Variants in CDH17 observed in about 807,000 individuals in gnomAD.
CDH17 encodes the protein cadherin-17.
Under a neutral mutation model 86.3 loss-of-function variants are expected in CDH17, and 67 were observed. The observed-to-expected ratio is 0.78, with a 90% CI of 0.64 to 0.95. The LOEUF is 0.95. Ranked by LOEUF, CDH17 falls within the 40% of genes least tolerant of loss-of-function variation. The pLI, the probability that CDH17 is intolerant of heterozygous loss-of-function variation, is 0.00. For synonymous variants in CDH17, 367 were observed against 366.4 expected (o/e 1.00, Z -0.02); for missense variants, 993 against 1,017.6 (o/e 0.98, Z 0.33).
intron 1 of CDH17, chr8:94,197,374 A>T (rs761839838): frequency 2.0e-5 from 3 of 152,266 alleles, no homozygotes; most frequent in East Asian, 1.9e-4. Context: ...AAAATTAAAA[A>T]TAAAAACAGT....
At chr8:94,204,305 C>T (rs890295784) in intron 1 of CDH17, among the ~76,000 whole-genome samples, 2 of 152,036 alleles carry the variant, frequency 1.3e-5, no homozygotes, top group Admixed American at 6.6e-5. Flanking sequence ...CTCCGCTTGC[C>T]TCCCACCCCA....
intron 1 of CDH17, among the ~76,000 whole-genome samples, chr8:94,204,260 C>A (rs1813980319): frequency 6.6e-6 from 1 of 151,892 alleles, no homozygotes; most frequent in African/African-American, 2.4e-5. Context: ...AGGTTTTAGC[C>A]CCACATGCAT....
chr8:94,193,949 A>G (rs984857331), intron 2 of CDH17, among the ~76,000 whole-genome samples: 17 of 152,132 alleles, frequency 1.1e-4, no homozygotes, highest in Non-Finnish European at 2.5e-4. Context: ...TAAAAAAAAA[A>G]AAAAGAGAGC....
chr8:94,215,960 T>C (rs1000355281), intron 1 of CDH17, among the ~76,000 whole-genome samples: 4 of 152,088 alleles, frequency 2.6e-5, no homozygotes, highest in Admixed American at 2.0e-4. Flanking sequence ...TACACAAAGA[T>C]TATCTTTGCC....
intron 1 of CDH17, among the ~76,000 whole-genome samples, chr8:94,200,927 C>A (rs1362325804): frequency 6.6e-6 from 1 of 152,044 alleles, no homozygotes; most frequent in East Asian, 1.9e-4. Flanking sequence ...TATAATATAC[C>A]TCTTAAAGAT....
At chr8:94,148,626 T>C (rs1220557080) in intron 14 of CDH17, 118 bp downstream of exon 14, 13 of 680,410 alleles carry the variant, frequency 1.9e-5, no homozygotes, top group Non-Finnish European at 3.0e-5. Context: ...CACTTTAAGG[T>C]TGTGATATTC....
chr8:94,138,092 G>A (rs1425939445), intron 15 of CDH17, among the ~76,000 whole-genome samples: 4 of 152,034 alleles, frequency 2.6e-5, no homozygotes, highest in East Asian at 1.9e-4. Flanking sequence ...ATAGAAAATT[G>A]AGAGTACAAA....
chr8:94,146,682 T>C (rs1254175857), intron 14 of CDH17, among the ~76,000 whole-genome samples: 3 of 152,242 alleles, frequency 2.0e-5, no homozygotes, highest in African/African-American at 7.2e-5. Flanking sequence ...AGCTATGTAA[T>C]CTTGGGCAAG....
intron 3 of CDH17, among the ~76,000 whole-genome samples, chr8:94,185,313 A>ACC (rs1554589242): frequency 4.8e-5 from 7 of 146,726 alleles, no homozygotes; most frequent in South Asian, 2.2e-4. Flanking sequence ...ACACACACAC[A>ACC]CCCCTGTAAA....
chr8:94,173,606 T>A (rs1813309947), intron 7 of CDH17, among the ~76,000 whole-genome samples, 191 bp downstream of exon 7: 1 of 152,206 alleles, frequency 6.6e-6, no homozygotes, highest in South Asian at 2.1e-4. Flanking sequence ...AATATCTGCA[T>A]CCAAGTTGCC....
intron 3 of CDH17, among the ~76,000 whole-genome samples, chr8:94,178,374 A>G (rs1271364216): frequency 6.6e-6 from 1 of 152,188 alleles, no homozygotes; most frequent in Non-Finnish European, 1.5e-5. Context: ...ATGGATATAA[A>G]GAAACATTGT....
intron 15 of CDH17, among the ~76,000 whole-genome samples, chr8:94,143,365 G>T (rs971545605): frequency 1.3e-5 from 2 of 152,122 alleles, no homozygotes; most frequent in African/African-American, 4.8e-5. Flanking sequence ...CTGTCATCTG[G>T]GCTTTGTTGT....
intron 1 of CDH17, among the ~76,000 whole-genome samples, chr8:94,214,833 T>A (rs945738161): frequency 1.9e-4 from 29 of 152,252 alleles, no homozygotes; most frequent in Admixed American, 1.8e-3. Context: ...TGAATAGAAA[T>A]TTTTTAAAAG....
intron 14 of CDH17, 69 bp downstream of exon 14, chr8:94,148,675 C>A: frequency 7.5e-7 from 1 of 1,330,528 alleles, no homozygotes; most frequent in South Asian, 1.7e-5. Context: ...TCCTCCCTCC[C>A]ATTTCAACCC....
intron 1 of CDH17, among the ~76,000 whole-genome samples, chr8:94,215,817 T>C (rs908363208): frequency 4.6e-5 from 7 of 152,024 alleles, no homozygotes; most frequent in African/African-American, 1.2e-4. Flanking sequence ...TTATCGGAAA[T>C]GTCTTACGGT....
chr8:94,177,628 T>C lies in CDH17; in HGVS notation c.244A>G (p.Arg82Gly). 6.2e-7 allele frequency: 1 copy of C among 1,613,784 alleles called. No homozygotes were observed. The change falls in exon 4 of 18, where the codon AGA becomes GGA. Residue 82 changes from arginine to glycine, a missense_variant. Arg to Gly is a moderately radical substitution (Grantham distance 125, BLOSUM62 -2). Coordinates refer to ENST00000027335, the MANE Select transcript of CDH17 (RefSeq NM_004063.4). ...GATCTTGTTTCCCTGTCCAAGGCTCTGTTGTAATACAGAAGTCCCTCCCGT... is the reference window on the plus strand; with the variant it reads ...GATCTTGTTTCCCTGTCCAAGGCTCCGTTGTAATACAGAAGTCCCTCCCGT... The part of the protein sequence containing the change: ...IEREGLLYYN[R>G]ALDRETRSTH...
chr8:94,136,131 C>T (rs551961282), intron 15 of CDH17, among the ~76,000 whole-genome samples: 1 of 152,152 alleles, frequency 6.6e-6, no homozygotes, highest in Admixed American at 6.5e-5. Context: ...AATTATGTGT[C>T]TTGGGGTTGC....
At chr8:94,184,984 C>A (rs1429397477) in intron 3 of CDH17, among the ~76,000 whole-genome samples, 3 of 152,158 alleles carry the variant, frequency 2.0e-5, no homozygotes, top group African/African-American at 7.2e-5. Flanking sequence ...CTCCCCACCA[C>A]TGAAGCAAAG....
upstream of CDH17, among the ~76,000 whole-genome samples, chr8:94,209,510 C>T (rs150998286): frequency 2.0e-5 from 3 of 152,184 alleles, no homozygotes; most frequent in Non-Finnish European, 4.4e-5. Context: ...GGGCTCCCTC[C>T]TTTCCAGATT....
Sources: gnomAD v4.1 joint callset for allele counts (sites outside exome capture counted in the v4.1 genomes callset) on GRCh38, gnomAD v4.1.1 for gene constraint, MANE v1.5 for transcripts, NCBI Gene and HGNC (gene_info 2026-07-23, HGNC 2026-07-21) for gene names.